Variants in SETD7 observed in about 807,000 individuals in gnomAD.
SETD7 encodes the protein histone-lysine N-methyltransferase SETD7.
A neutral mutation model predicts 41.8 loss-of-function variants in SETD7; 16 were observed. The observed-to-expected ratio is 0.38, with a 90% CI of 0.26 to 0.58. The LOEUF is 0.58. Ranked by LOEUF, SETD7 falls within the 20% of genes least tolerant of loss-of-function variation. The pLI, the probability that SETD7 is intolerant of heterozygous loss-of-function variation, is 0.64. For missense variants in SETD7, 346 were observed against 459.7 expected, an observed-to-expected ratio of 0.75 and a Z score of 2.26; for synonymous variants, 163 against 169.7, an observed-to-expected ratio of 0.96 and a Z score of 0.31.
chr4:139,544,734 T>C (rs1727888664), intron 2 of SETD7, among the ~76,000 whole-genome samples: 2 of 152,036 alleles, frequency 1.3e-5, no homozygotes, highest in Admixed American at 6.6e-5. Flanking sequence ...CAAACAAATC[T>C]GCTGGACTGT....
intron 4 of SETD7, among the ~76,000 whole-genome samples, chr4:139,525,096 C>T (rs1032906602): frequency 3.7e-4 from 57 of 152,298 alleles, no homozygotes; most frequent in African/African-American, 1.3e-3. Context: ...GTATTACAGG[C>T]GTGAGCTGCT....
Position 139,556,197 on chromosome 4 carries a change from C to T in SETD7, c.-60G>A. 1 of 1,535,656 alleles carries T rather than the reference C, an allele frequency of 6.5e-7. No homozygotes were observed. Among genetic ancestry groups the T allele is most frequent in the East Asian group, 2.6e-5 (1 of 39,038 alleles). On this transcript the variant is annotated 5_prime_UTR_variant, in exon 1 of 8. Transcript: ENST00000274031. ...CGGCTGCCTCCCGTCCCTCTGGGTG[C>T]TCCCGGCGGCTGAGCGAGCTCTGGG...
chr4:139,543,389 C>T (rs536294594), intron 2 of SETD7, among the ~76,000 whole-genome samples: 22 of 152,338 alleles, frequency 1.4e-4, no homozygotes, highest in Non-Finnish European at 5.9e-5. Context: ...GACTCTCTTA[C>T]TAATTTTTAC....
downstream of SETD7, among the ~76,000 whole-genome samples, chr4:139,501,709 A>G (rs191573968): frequency 1.2e-3 from 176 of 152,332 alleles, 1 homozygote; most frequent in African/African-American, 4.0e-3. Flanking sequence ...CCAGGAAGAT[A>G]TGCCTAGTGA....
chr4:139,533,735 CAA>C (rs1727554940), intron 2 of SETD7, among the ~76,000 whole-genome samples: 1 of 152,218 alleles, frequency 6.6e-6, no homozygotes, highest in Admixed American at 6.5e-5. Flanking sequence ...TAATTTCCCT[CAA>C]GAGTGCTCCA....
chr4:139,508,949 G>A lies in SETD7; in HGVS notation c.*2714C>T, dbSNP rs1370571836. 1 of 152,234 alleles carries A rather than the reference G, an allele frequency of 6.6e-6. No individual in the cohort carries two copies. Among genetic ancestry groups the A allele is most frequent in the Non-Finnish European group, 1.5e-5 (1 of 68,148 alleles). 9.4% of individuals were successfully genotyped at this position (152,234 alleles called of 1,614,324 possible). On this transcript the variant is annotated 3_prime_UTR_variant, in exon 8 of 8. Coordinates refer to ENST00000274031, the MANE Select transcript of SETD7 (RefSeq NM_030648.4). ...TACTCCGATTCCAACCTGCCACAGA[G>A]CCTTACATTTGGGAGTATGTGTGTG...
At chr4:139,496,142 T>G in exon 8 of SETD7, 1 of 435,784 alleles carries the variant, frequency 2.3e-6, no homozygotes, top group South Asian at 4.4e-5. Flanking sequence ...TTAAAAGATA[T>G]TTTATCTAAT....
At position 139,555,600 on chromosome 4, in the gene SETD7, G is replaced by C. The variant is rs962006219; in HGVS notation, c.40+498C>G. Among the ~76,000 whole-genome samples the C allele has an allele frequency of 7.9e-5, 12 of 151,994 alleles. No homozygotes were observed. The highest frequency in any genetic ancestry group is 1.6e-4 in the Non-Finnish European group (11 of 67,968). ...CTGGTCTGGCCCCGTGCGCTGCGCCGGGGGACCTACCCGGACGGGGCCGCG... is the reference window on the plus strand; with the variant it reads ...CTGGTCTGGCCCCGTGCGCTGCGCCCGGGGACCTACCCGGACGGGGCCGCG... On this transcript the variant is annotated intron_variant, in intron 1 of 7. Coordinates refer to ENST00000274031, the MANE Select transcript of SETD7 (RefSeq NM_030648.4). This position sits in a 1 kb window ranked among gnomAD's most constrained non-coding sequence, Gnocchi z 4.0.
rs1402058296 is a variant in SETD7, at chr4:139,508,618, A to G, written c.*3045T>C. ...AATCTCCTTGAGATTACAGTGTCGC[A>G]CACACACATAGGCTCCCGCTGTTTT... On this transcript the variant is annotated 3_prime_UTR_variant, in exon 8 of 8. Transcript: ENST00000274031. 1 of 152,190 alleles carries G rather than the reference A, an allele frequency of 6.6e-6. No individual in the cohort carries two copies. Among genetic ancestry groups the G allele is most frequent in the Non-Finnish European group, 1.5e-5 (1 of 68,042 alleles). 9.4% of individuals were successfully genotyped at this position (152,190 alleles called of 1,614,324 possible).
intron 7 of SETD7, among the ~76,000 whole-genome samples, chr4:139,500,392 A>C (rs1386030911): frequency 1.3e-5 from 2 of 152,224 alleles, no homozygotes; most frequent in African/African-American, 4.8e-5. Flanking sequence ...TGGGAGGAAG[A>C]TCTTGTCATT....
chr4:139,534,000 T>C lies in SETD7; in HGVS notation c.171-634A>G, dbSNP rs1256054117. On this transcript the variant is annotated intron_variant, in intron 2 of 7. Coordinates refer to ENST00000274031, the MANE Select transcript of SETD7 (RefSeq NM_030648.4). ...ATGTATGTATGTATGTATATCTATG[T>C]ATATACATACATCCATGATCATGGC... Among the ~76,000 whole-genome samples the C allele has an allele frequency of 2.0e-5, 3 of 152,290 alleles. No homozygotes were observed. In the East Asian group the frequency reaches 5.8e-4, roughly 29 times the overall value.
intron 1 of SETD7, among the ~76,000 whole-genome samples, chr4:139,549,451 G>T (rs78021441): frequency 0.25 from 38,149 of 151,960 alleles, 5,026 homozygotes; most frequent in East Asian, 0.47. Context: ...AGCCCTTGGA[G>T]GATAGTACTG....
chr4:139,517,760 AGAG>A, intron 7 of SETD7, 122 bp downstream of exon 7: 1 of 1,000,154 alleles, frequency 1.0e-6, no homozygotes. Context: ...GGCCGATAGC[AGAG>A]GACCCATGGT....
At chr4:139,522,980 C>T (rs550019648) in intron 5 of SETD7, among the ~76,000 whole-genome samples, 2 of 152,082 alleles carry the variant, frequency 1.3e-5, no homozygotes, top group East Asian at 3.9e-4. Flanking sequence ...TCTTGAACTC[C>T]TGACCTCAAG....
chr4:139,547,201 G>A (rs1324220057), intron 1 of SETD7, 152 bp from the exon 2 acceptor site: 13 of 938,306 alleles, frequency 1.4e-5, no homozygotes, highest in African/African-American at 6.7e-5. Flanking sequence ...GGTAGTCAGC[G>A]TGCAAAAGTT....
At chr4:139,493,364 G>A (rs1403860990), downstream of SETD7, among the ~76,000 whole-genome samples, 3 of 152,154 alleles carry the variant, frequency 2.0e-5, no homozygotes, top group Non-Finnish European at 2.9e-5. Context: ...GAAAACGCTT[G>A]GCAAGTTTGA....
At chr4:139,542,961 C>T (rs1159649541) in intron 2 of SETD7, among the ~76,000 whole-genome samples, 2 of 152,152 alleles carry the variant, frequency 1.3e-5, no homozygotes, top group Non-Finnish European at 2.9e-5. Context: ...AATATTTAGG[C>T]CAAGTCTTCC....
intron 2 of SETD7, among the ~76,000 whole-genome samples, chr4:139,545,083 T>C (rs1041502315): frequency 6.6e-6 from 1 of 152,010 alleles, no homozygotes; most frequent in Admixed American, 6.6e-5. Flanking sequence ...AAAGTGACAC[T>C]TTTCAGAAAA....
chr4:139,530,692 C>A (rs1727461641), intron 3 of SETD7, among the ~76,000 whole-genome samples: 2 of 152,150 alleles, frequency 1.3e-5, no homozygotes, highest in Admixed American at 1.3e-4. Flanking sequence ...GGGTCTCACA[C>A]CTTTCCCCTT....
Sources: allele counts gnomAD v4.1 joint callset (sites outside exome capture counted in the v4.1 genomes callset), GRCh38; gene constraint gnomAD v4.1.1; non-coding constraint Gnocchi (gnomAD v3.1); transcripts MANE v1.5; gene names NCBI Gene and HGNC (gene_info 2026-07-23, HGNC 2026-07-21).